ANKFN1: variants seen among roughly 807,000 people sequenced by gnomAD.
The protein encoded by ANKFN1 is ankyrin repeat and fibronectin type-III domain-containing protein 1.
Under a neutral mutation model 108.7 loss-of-function variants are expected in ANKFN1, and 74 were observed. That is an observed-to-expected ratio of 0.68 (90% CI 0.56 to 0.83). The LOEUF (loss-of-function observed/expected upper bound fraction) is 0.83, where lower values mean the gene tolerates loss of function less well. Among genes scored for constraint, ANKFN1 ranks in the 40% least tolerant of loss-of-function variants. ANKFN1 has a pLI of 0.00. For missense variants in ANKFN1, 1,505 were observed against 1,382.3 expected (o/e 1.09, Z -1.41); for synonymous variants, 547 against 516.2 (o/e 1.06, Z -0.81).
rs373885770 is a variant in ANKFN1 at position 56,480,700 on chromosome 17, G to A, written c.1973G>A (p.Gly658Asp). ...EEWEWIQKLS[G>D]SESMESVDHT... Reference sequence around the variant, plus strand: ...TGGGAATGGATCCAAAAGCTTTCTGGCTCTGAATCTATGGAAAGTGTGGAT... The same window carrying A: ...TGGGAATGGATCCAAAAGCTTTCTGACTCTGAATCTATGGAAAGTGTGGAT... Residue 658 changes from glycine (G) to aspartate (D), a missense_variant, in exon 17 of 21, where the codon GGC becomes GAC. Transcript: ENST00000682825. 2.1e-5 allele frequency: 34 copies of A among 1,613,876 alleles called. No homozygotes were observed. Among genetic ancestry groups the A allele is most frequent in the Non-Finnish European group, 2.9e-5 (34 of 1,179,898 alleles).
intron 4 of ANKFN1, among the ~76,000 whole-genome samples, chr17:56,329,298 G>A (rs1203110685): frequency 6.6e-6 from 1 of 152,040 alleles, no homozygotes; most frequent in South Asian, 2.1e-4. Context: ...GCCCTCACTG[G>A]TACTGACTTA....
chr17:56,255,025 G>C (rs930616530), intron 3 of ANKFN1, among the ~76,000 whole-genome samples: 3 of 152,194 alleles, frequency 2.0e-5, no homozygotes, highest in Non-Finnish European at 4.4e-5. Flanking sequence ...AGGTCCAAAA[G>C]AGAAAGAGTG....
intron 4 of ANKFN1, among the ~76,000 whole-genome samples, chr17:56,078,694 C>T (rs1004972675): frequency 6.6e-6 from 1 of 152,122 alleles, no homozygotes; most frequent in African/African-American, 2.4e-5. Flanking sequence ...AACACAGATA[C>T]CCTGGGCAGG....
At chr17:56,433,055 A>G (rs986330853) in intron 8 of ANKFN1, among the ~76,000 whole-genome samples, 3 of 152,226 alleles carry the variant, frequency 2.0e-5, no homozygotes, top group African/African-American at 7.2e-5. Context: ...ACAGACATAT[A>G]TATGCATATA....
intron 4 of ANKFN1, among the ~76,000 whole-genome samples, chr17:56,332,697 C>A (rs919173464): frequency 1.3e-5 from 2 of 152,096 alleles, no homozygotes; most frequent in African/African-American, 2.4e-5. Context: ...TAGCCTTAAT[C>A]TAATCCTGTA....
At chr17:56,232,330 A>G (rs1407293248) in intron 3 of ANKFN1, among the ~76,000 whole-genome samples, 1 of 152,126 alleles carries the variant, frequency 6.6e-6, no homozygotes, top group Non-Finnish European at 1.5e-5. Context: ...AACAAAAACA[A>G]AAAGAAATTC....
At chr17:56,219,943 T>C (rs1458720879) in intron 2 of ANKFN1, among the ~76,000 whole-genome samples, 1 of 152,250 alleles carries the variant, frequency 6.6e-6, no homozygotes, top group Non-Finnish European at 1.5e-5. Flanking sequence ...GCAGTAACAT[T>C]GAAGTCAGAA....
intron 4 of ANKFN1, among the ~76,000 whole-genome samples, chr17:56,131,686 C>A (rs1371838647): frequency 6.6e-6 from 1 of 152,100 alleles, no homozygotes. Context: ...TCTACAAAGT[C>A]AGGCTATTTA....
At chr17:56,115,460 C>T (rs2143270681) in intron 4 of ANKFN1, among the ~76,000 whole-genome samples, 1 of 152,158 alleles carries the variant, frequency 6.6e-6, no homozygotes, top group South Asian at 2.1e-4. Context: ...TACTCTCACA[C>T]AATGAAATTA....
intron 4 of ANKFN1, among the ~76,000 whole-genome samples, chr17:56,100,639 G>A (rs1220456017): frequency 6.6e-6 from 1 of 152,168 alleles, no homozygotes; most frequent in East Asian, 1.9e-4. Flanking sequence ...CCTAGTGAGA[G>A]AGGAGATCAG....
At chr17:56,389,008 CAA>C (rs61666228) in intron 8 of ANKFN1, among the ~76,000 whole-genome samples, 29 of 92,890 alleles carry the variant, frequency 3.1e-4, no homozygotes, top group Non-Finnish European at 2.9e-4. Flanking sequence ...TTGGCAATTT[CAA>C]AAAAAAAAAA....
chr17:56,159,033 C>CAAAA (rs57878541), intron 1 of ANKFN1, among the ~76,000 whole-genome samples: 1,612 of 69,696 alleles, frequency 0.023, 62 homozygotes, highest in East Asian at 0.052. Flanking sequence ...TGGTCTAGGC[C>CAAAA]AAAAAAAAAA....
intron 6 of ANKFN1, 86 bp from the exon 7 acceptor site, chr17:56,372,560 T>G: frequency 2.7e-6 from 3 of 1,109,156 alleles, no homozygotes; most frequent in Non-Finnish European, 3.8e-6. Flanking sequence ...TTTTTTCAAA[T>G]CATAGTAAAC....
intron 20 of ANKFN1, among the ~76,000 whole-genome samples, chr17:56,499,987 G>C (rs905756072): frequency 6.6e-5 from 10 of 152,086 alleles, no homozygotes; most frequent in East Asian, 1.9e-4. Flanking sequence ...TGTCCCATAG[G>C]GGGCAGCATG....
chr17:56,249,961 C>A (rs1057111111), intron 3 of ANKFN1, among the ~76,000 whole-genome samples: 7 of 152,174 alleles, frequency 4.6e-5, no homozygotes, highest in African/African-American at 9.7e-5. Flanking sequence ...AAAAAACAAA[C>A]TTCTGTGGAA....
intron 19 of ANKFN1, 41 bp from the exon 20 acceptor site, chr17:56,498,841 C>A: frequency 6.7e-7 from 1 of 1,484,190 alleles, no homozygotes; most frequent in Non-Finnish European, 9.1e-7. Flanking sequence ...TTTTTAATCA[C>A]TGCTTGATAA....
rs77574764 is a variant in ANKFN1 at position 56,450,719 on chromosome 17, A to T, written c.1207+1533A>T. The stretch of plus-strand genomic sequence containing the variant: ...TGTGTGACAGCAAAGGTAACAAAGC[A>T]AGTGGACAGATGATTCTTGGAAATT... On this transcript the variant is annotated intron_variant, in intron 11 of 20. Coordinates refer to ENST00000682825, the MANE Select transcript of ANKFN1 (RefSeq NM_001370326.1). 9.8e-5 allele frequency among the ~76,000 whole-genome samples: 15 copies of T among 152,336 alleles called. No homozygotes were observed. The East Asian group carries it at 2.7e-3, about 27-fold the overall frequency.
At chr17:56,163,013 TGAC>T (rs1598162037) in intron 1 of ANKFN1, among the ~76,000 whole-genome samples, 2 of 146,424 alleles carry the variant, frequency 1.4e-5, no homozygotes, top group East Asian at 4.0e-4. Flanking sequence ...CCAGCCTGGG[TGAC>T]GAGAGTGAGA....
chr17:56,189,170 C>CTTTTTTTTTTTTTTTTTTTTTTTT (rs532063852), intron 1 of ANKFN1, among the ~76,000 whole-genome samples: 17 of 85,264 alleles, frequency 2.0e-4, no homozygotes, highest in African/African-American at 1.0e-3. Flanking sequence ...GTTGCCCTGA[C>CTTTTTTTTTTTTTTTTTTTTTTTT]TTTTTTTTTT....
Sources: allele counts gnomAD v4.1 joint callset (sites outside exome capture counted in the v4.1 genomes callset), GRCh38; gene constraint gnomAD v4.1.1; transcripts MANE v1.5; gene names NCBI Gene and HGNC (gene_info 2026-07-23, HGNC 2026-07-21).